RBM15B: variants seen among roughly 807,000 people sequenced by gnomAD.
RBM15B encodes the protein RNA binding motif protein 15B.
In RBM15B, 11 loss-of-function variants were observed where a neutral mutation model predicts 53.3. The ratio of observed to expected loss-of-function variants is 0.21; its 90% CI spans 0.13 to 0.34. The LOEUF is 0.34. Ranked by LOEUF, RBM15B falls within the 10% of genes least tolerant of loss-of-function variation. The probability of loss-of-function intolerance (pLI) is 1.00; values close to 1 mark genes in which losing one functional copy is unlikely to be tolerated. For synonymous variants in RBM15B, 631 were observed against 540.7 expected (o/e 1.17, Z -2.32); for missense variants, 1,136 against 1,250.3 (o/e 0.91, Z 1.38).
In RBM15B at chr3:51,393,179, C is replaced by T. The variant is rs2089068813; in HGVS notation, c.1780C>T (p.Arg594Trp). ...TTTGCCCAAGCCCTGGGAAGAGAGG[C>T]GGAAACGGAGAAGCCTTTCCAGTGA... ...RGLPKPWEER[R>W]KRRSLSSDRG... is the part of the protein sequence containing the mutation. Residue 594 changes from arginine (R) to tryptophan (W), a missense_variant, in exon 1 of 1, where the codon CGG becomes TGG. Around this residue, in one of 7 missense-constraint regions of RBM15B, gnomAD observed 578 missense variants for 581.6 expected, o/e 0.99. Transcript: ENST00000563281. The surrounding 1 kb of genome is among the most constrained non-coding windows in gnomAD (Gnocchi z 5.6). 4 of 1,613,888 alleles carry T rather than the reference C, an allele frequency of 2.5e-6. No individual in the cohort carries two copies. Among genetic ancestry groups the T allele is most frequent in the Middle Eastern group, 1.6e-4 (1 of 6,062 alleles).
In RBM15B at chr3:51,393,114, G is replaced by A. The variant is rs782660173; in HGVS notation, c.1715G>A (p.Ser572Asn). Residue 572 changes from serine (S) to asparagine (N), a missense_variant, in exon 1 of 1, where the codon AGC becomes AAC. This residue lies in a region of RBM15B where 578 missense variants were observed against 581.6 expected (regional missense o/e 0.99). Transcript: ENST00000563281. The surrounding 1 kb of genome is among the most constrained non-coding windows in gnomAD (Gnocchi z 5.6). ...SLEGYSRSVRSRSGERWGADG... is the reference protein window; with the variant it reads ...SLEGYSRSVRNRSGERWGADG... The stretch of plus-strand genomic sequence containing the variant: ...GAGGGCTACAGTCGCTCAGTGCGCA[G>A]CCGGAGTGGTGAGCGTTGGGGGGCA... 1 of 1,614,080 alleles carries A rather than the reference G, an allele frequency of 6.2e-7. No homozygotes were observed. The highest frequency in any genetic ancestry group is 1.7e-5 in the Admixed American group (1 of 60,024).
At position 51,396,892 on chromosome 3, in the gene RBM15B, AT is replaced by A. The variant is rs1434966358; in HGVS notation, c.*2822del. 1.2e-5 allele frequency: 2 copies of A among 167,014 alleles called. No individual in the cohort carries two copies. The highest frequency in any genetic ancestry group is 2.9e-5 in the Non-Finnish European group (2 of 68,114). 10.3% of individuals were successfully genotyped at this position (167,014 alleles called of 1,614,324 possible). On this transcript the variant is annotated 3_prime_UTR_variant, in exon 1 of 1. Coordinates refer to ENST00000563281, the MANE Select transcript of RBM15B (RefSeq NM_013286.5). ...TGCCATCAGTACCAGCAGTCAGACT[AT>A]TCCACTGGTTAAGTGTTTACTACCA...
rs894804938 is a variant in RBM15B, at chr3:51,395,023, T to C, written c.*951T>C. On this transcript the variant is annotated 3_prime_UTR_variant, in exon 1 of 1. Coordinates refer to ENST00000563281, the MANE Select transcript of RBM15B (RefSeq NM_013286.5). The stretch of plus-strand genomic sequence containing the variant: ...CCTTCCTTGGATTTACTCATGAACT[T>C]TGCCTAGTTGTTTGTGATTTTTGGC... 1 of 167,166 alleles carries C rather than the reference T, an allele frequency of 6.0e-6. No homozygotes were observed. Among genetic ancestry groups the C allele is most frequent in the Non-Finnish European group, 1.5e-5 (1 of 68,210 alleles). 10.4% of individuals were successfully genotyped at this position (167,166 alleles called of 1,614,324 possible). A position where few individuals can be genotyped will look rare whatever the true frequency, so the allele number is the denominator to read the frequency against.
Position 51,393,696 on chromosome 3 carries a change from C to T in RBM15B, c.2297C>T (p.Ala766Val), listed in dbSNP as rs2089080619. 6.2e-7 allele frequency: 1 copy of T among 1,612,998 alleles called. No homozygotes were observed. The highest frequency in any genetic ancestry group is 8.5e-7 in the Non-Finnish European group (1 of 1,179,590). The change falls in exon 1 of 1, where the codon GCC becomes GTC. Residue 766 changes from alanine (A) to valine (V), a missense_variant. This residue lies in a region of RBM15B where 578 missense variants were observed against 581.6 expected (regional missense o/e 0.99). Coordinates refer to ENST00000563281, the MANE Select transcript of RBM15B (RefSeq NM_013286.5). The surrounding 1 kb of genome is among the most constrained non-coding windows in gnomAD (Gnocchi z 5.6). ...AGCAAGCTGACCCAGCTGAAGATCGCCCAGCGCCTTCGACTGGACCAGCCC... is the reference window on the plus strand; with the variant it reads ...AGCAAGCTGACCCAGCTGAAGATCGTCCAGCGCCTTCGACTGGACCAGCCC... ...SGSKLTQLKI[A>V]QRLRLDQPKL...
Position 51,392,244 on chromosome 3 carries a change from C to G in RBM15B, c.845C>G (p.Ala282Gly). The G allele has an allele frequency of 1.3e-6, 2 of 1,582,678 alleles. No homozygotes were observed. The highest frequency in any genetic ancestry group is 1.7e-6 in the Non-Finnish European group (2 of 1,169,094). ...CTGCGGGAGCCCCGTGCCCGTCACG[C>G]CGCCGCAGCCTTCGCCCTGGATGCC... ...PPLREPRARH[A>G]AAAFALDAAA... Residue 282 changes from alanine to glycine, a missense_variant, in exon 1 of 1, where the codon GCC becomes GGC. Coordinates refer to ENST00000563281, the MANE Select transcript of RBM15B (RefSeq NM_013286.5). This position sits in a 1 kb window ranked among gnomAD's most constrained non-coding sequence, Gnocchi z 7.5.
In RBM15B at chr3:51,392,857, C is replaced by T. The variant is rs782392990; in HGVS notation, c.1458C>T (p.Arg486=). ...TGGGTGGACCAGACCGCAGGCTCCG[C>T]GTGGATTTTGCCAAAGCAGAGGAGA... ...FPLGGPDRRL[R]VDFAKAEETR... The change falls in exon 1 of 1, where the codon CGC becomes CGT. Residue 486 remains arginine, a synonymous_variant. Coordinates refer to ENST00000563281, the MANE Select transcript of RBM15B (RefSeq NM_013286.5). The surrounding 1 kb of genome is among the most constrained non-coding windows in gnomAD (Gnocchi z 7.5). The T allele has an allele frequency of 9.9e-6, 16 of 1,613,892 alleles. No homozygotes were observed. In the Admixed American group the frequency reaches 2.2e-4, roughly 22 times the overall value.
rs1355754349 is a variant in RBM15B, at chr3:51,391,918, G to A, written c.519G>A (p.Leu173=). 1 of 1,603,200 alleles carries A rather than the reference G, an allele frequency of 6.2e-7. No individual in the cohort carries two copies. Among genetic ancestry groups the A allele is most frequent in the African/African-American group, 1.3e-5 (1 of 74,634 alleles). ...FKRFGEISLR[L]SHTPELGRVA... ...GCTTCGGCGAGATCAGCCTCCGCCT[G>A]TCGCACACGCCTGAGCTGGGCCGTG... Residue 173 remains leucine, a synonymous_variant, in exon 1 of 1, where the codon CTG becomes CTA. Coordinates refer to ENST00000563281, the MANE Select transcript of RBM15B (RefSeq NM_013286.5). This position sits in a 1 kb window ranked among gnomAD's most constrained non-coding sequence, Gnocchi z 4.5.
chr3:51,394,242 T>G lies in RBM15B; in HGVS notation c.*170T>G, dbSNP rs1214630728. 44 of 1,017,998 alleles carry G rather than the reference T, an allele frequency of 4.3e-5. No homozygotes were observed. The highest frequency in any genetic ancestry group is 8.5e-5 in the Admixed American group (2 of 23,570). 63.1% of individuals were successfully genotyped at this position (1,017,998 alleles called of 1,614,324 possible). A position where few individuals can be genotyped will look rare whatever the true frequency, so the allele number is the denominator to read the frequency against. ...CCACCAAAACTAAGTTCTTAGATTT[T>G]GGGGGATTTTTTTTTTTAAACGATG... On this transcript the variant is annotated 3_prime_UTR_variant, in exon 1 of 1. Coordinates refer to ENST00000563281, the MANE Select transcript of RBM15B (RefSeq NM_013286.5).
At position 51,391,912 on chromosome 3, in the gene RBM15B, C is replaced by T. The variant is rs782595583; in HGVS notation, c.513C>T (p.Leu171=). 1 of 1,603,610 alleles carries T rather than the reference C, an allele frequency of 6.2e-7. No homozygotes were observed. Among genetic ancestry groups the T allele is most frequent in the African/African-American group, 1.3e-5 (1 of 74,814 alleles). ...HQFKRFGEIS[L]RLSHTPELGR... ...TCAAGCGCTTCGGCGAGATCAGCCT[C>T]CGCCTGTCGCACACGCCTGAGCTGG... The change falls in exon 1 of 1, where the codon CTC becomes CTT. Residue 171 remains leucine, a synonymous_variant. Transcript: ENST00000563281. The surrounding 1 kb of genome is among the most constrained non-coding windows in gnomAD (Gnocchi z 4.5).
Position 51,393,925 on chromosome 3 carries a change from G to A in RBM15B, c.2526G>A (p.Gly842=). 1 of 1,538,238 alleles carries A rather than the reference G, an allele frequency of 6.5e-7. No individual in the cohort carries two copies. ...CAGGGGTGATCAGCTTGCCAGTGGG[G>A]GGGTCCAAGGGCAGAGACGGCACAG... The part of the protein sequence containing the change: ...QAAGVISLPV[G]GSKGRDGTGM... Residue 842 remains glycine, a synonymous_variant, in exon 1 of 1, where the codon GGG becomes GGA. Coordinates refer to ENST00000563281, the MANE Select transcript of RBM15B (RefSeq NM_013286.5). The surrounding 1 kb of genome is among the most constrained non-coding windows in gnomAD (Gnocchi z 5.6).
rs2089239750 is a variant in RBM15B, at chr3:51,396,894, T to TTA, written c.*2822_*2823insTA. On this transcript the variant is annotated 3_prime_UTR_variant, in exon 1 of 1. Coordinates refer to ENST00000563281, the MANE Select transcript of RBM15B (RefSeq NM_013286.5). ...CCATCAGTACCAGCAGTCAGACTAT[T>TTA]CCACTGGTTAAGTGTTTACTACCAT... is the stretch of plus-strand genomic sequence containing the variant. 5 of 167,030 alleles carry TTA rather than the reference T, an allele frequency of 3.0e-5. No individual in the cohort carries two copies. The highest frequency in any genetic ancestry group is 7.3e-5 in the Non-Finnish European group (5 of 68,130). 10.3% of individuals were successfully genotyped at this position (167,030 alleles called of 1,614,324 possible).
Position 51,392,890 on chromosome 3 carries a change from C to T in RBM15B, c.1491C>T (p.Tyr497=). 6.2e-7 allele frequency: 1 copy of T among 1,613,892 alleles called. No homozygotes were observed. Among genetic ancestry groups the T allele is most frequent in the Non-Finnish European group, 8.5e-7 (1 of 1,180,026 alleles). ...TTGCCAAAGCAGAGGAGACTCGGTACCCCCAGCAGTACCAGCCCTCGCCAC... is the reference window on the plus strand; with the variant it reads ...TTGCCAAAGCAGAGGAGACTCGGTATCCCCAGCAGTACCAGCCCTCGCCAC... ...VDFAKAEETR[Y]PQQYQPSPLP... The change falls in exon 1 of 1, where the codon TAC becomes TAT. Residue 497 remains tyrosine (Y), a synonymous_variant. Transcript: ENST00000563281. This position sits in a 1 kb window ranked among gnomAD's most constrained non-coding sequence, Gnocchi z 7.5.
Position 51,391,395 on chromosome 3 carries a change from G to C in RBM15B, c.-5G>C. The C allele has an allele frequency of 8.2e-7, 1 of 1,225,596 alleles. No homozygotes were observed. The highest frequency in any genetic ancestry group is 1.0e-6 in the Non-Finnish European group (1 of 983,344). 75.9% of individuals were successfully genotyped at this position (1,225,596 alleles called of 1,614,324 possible). A position where few individuals can be genotyped will look rare whatever the true frequency, so the allele number is the denominator to read the frequency against. ...TACGGGCCGCCCGCCCGCCGCGCCAGCGCCATGAAGCGGCAGAGCGAGCGA... is the reference window on the plus strand; with the variant it reads ...TACGGGCCGCCCGCCCGCCGCGCCACCGCCATGAAGCGGCAGAGCGAGCGA... On this transcript the variant is annotated 5_prime_UTR_variant, in exon 1 of 1. Coordinates refer to ENST00000563281, the MANE Select transcript of RBM15B (RefSeq NM_013286.5). This position sits in a 1 kb window ranked among gnomAD's most constrained non-coding sequence, Gnocchi z 4.5.
chr3:51,393,759 G>T lies in RBM15B; in HGVS notation c.2360G>T (p.Ser787Ile). 4.3e-6 allele frequency: 7 copies of T among 1,613,868 alleles called. No homozygotes were observed. The highest frequency in any genetic ancestry group is 5.9e-6 in the Non-Finnish European group (7 of 1,180,026). Residue 787 changes from serine (S) to isoleucine (I), a missense_variant, in exon 1 of 1, where the codon AGC becomes ATC. Ser to Ile is a moderately radical substitution (Grantham distance 142). Coordinates refer to ENST00000563281, the MANE Select transcript of RBM15B (RefSeq NM_013286.5). The surrounding 1 kb of genome is among the most constrained non-coding windows in gnomAD (Gnocchi z 5.6). ...DEVTRRIKQG[S>I]PNGYAVLLAT... Reference sequence around the variant, plus strand: ...GTCACACGACGCATCAAGCAGGGGAGCCCCAACGGCTATGCGGTCCTCTTA... The same window carrying T: ...GTCACACGACGCATCAAGCAGGGGATCCCCAACGGCTATGCGGTCCTCTTA...
At position 51,395,344 on chromosome 3, in the gene RBM15B, G is replaced by A. The variant is rs2106649268; in HGVS notation, c.*1272G>A. On this transcript the variant is annotated 3_prime_UTR_variant, in exon 1 of 1. Transcript: ENST00000563281. Reference sequence around the variant, plus strand: ...TGTTTGTTAGGCAGTGCTAGAGCTTGAAGCCACTCAAGCCAGTTGGGGAGG... The same window carrying A: ...TGTTTGTTAGGCAGTGCTAGAGCTTAAAGCCACTCAAGCCAGTTGGGGAGG... 5.9e-6 allele frequency: 1 copy of A among 168,462 alleles called. No individual in the cohort carries two copies. The highest frequency in any genetic ancestry group is 1.4e-5 in the Non-Finnish European group (1 of 69,070). The allele number at this position is 168,462 out of a possible 1,614,324, so 10.4% of individuals were successfully genotyped here.
chr3:51,392,840 C>T lies in RBM15B; in HGVS notation c.1441C>T (p.Pro481Ser), dbSNP rs782208684. ...AATGAGGGGTTTTCCCTTGGGTGGA[C>T]CAGACCGCAGGCTCCGCGTGGATTT... The part of the protein sequence containing the change: ...AKMRGFPLGG[P>S]DRRLRVDFAK... Residue 481 changes from proline to serine, a missense_variant, in exon 1 of 1, where the codon CCA (proline) becomes TCA (serine). Around this residue, in one of 7 missense-constraint regions of RBM15B, gnomAD observed 578 missense variants for 581.6 expected, o/e 0.99. Transcript: ENST00000563281. This position sits in a 1 kb window ranked among gnomAD's most constrained non-coding sequence, Gnocchi z 7.5. 2 of 1,613,938 alleles carry T rather than the reference C, an allele frequency of 1.2e-6. No individual in the cohort carries two copies. The highest frequency in any genetic ancestry group is 1.3e-5 in the African/African-American group (1 of 74,936).
rs1553622038 is a variant in RBM15B at position 51,393,678 on chromosome 3, T to A, written c.2279T>A (p.Leu760Gln). The change falls in exon 1 of 1, where the codon CTG (leucine) becomes CAG (glutamine). Residue 760 changes from leucine to glutamine, a missense_variant. This residue lies in a region of RBM15B where 578 missense variants were observed against 581.6 expected (regional missense o/e 0.99). Coordinates refer to ENST00000563281, the MANE Select transcript of RBM15B (RefSeq NM_013286.5). The surrounding 1 kb of genome is among the most constrained non-coding windows in gnomAD (Gnocchi z 5.6). ...LLKDHTSGSK[L>Q]TQLKIAQRLR... ...AAAGACCACACTTCTGGGAGCAAGCTGACCCAGCTGAAGATCGCCCAGCGC... is the reference window on the plus strand; with the variant it reads ...AAAGACCACACTTCTGGGAGCAAGCAGACCCAGCTGAAGATCGCCCAGCGC... 1.9e-6 allele frequency: 3 copies of A among 1,612,732 alleles called. No individual in the cohort carries two copies. Among genetic ancestry groups the A allele is most frequent in the Middle Eastern group, 1.6e-4 (1 of 6,070 alleles).
Position 51,391,477 on chromosome 3 carries a change from C to T in RBM15B, c.78C>T (p.Arg26=). The change falls in exon 1 of 1, where the codon CGC becomes CGT. Residue 26 remains arginine, a synonymous_variant. Coordinates refer to ENST00000563281, the MANE Select transcript of RBM15B (RefSeq NM_013286.5). This position sits in a 1 kb window ranked among gnomAD's most constrained non-coding sequence, Gnocchi z 4.5. ...SSSSAKRPRE[R]EREAEAGGRR... ...CGTCCGCCAAGCGTCCGCGGGAGCG[C>T]GAACGGGAGGCGGAGGCGGGCGGGC... 2.4e-6 allele frequency: 3 copies of T among 1,244,754 alleles called. No homozygotes were observed. The highest frequency in any genetic ancestry group is 3.0e-6 in the Non-Finnish European group (3 of 992,692). The allele number at this position is 1,244,754 out of a possible 1,614,324, so 77.1% of individuals were successfully genotyped here.
At position 51,392,342 on chromosome 3, in the gene RBM15B, C is replaced by T. The variant is rs2089053151; in HGVS notation, c.943C>T (p.Arg315Cys). 6.2e-7 allele frequency: 1 copy of T among 1,613,528 alleles called. No individual in the cohort carries two copies. Among genetic ancestry groups the T allele is most frequent in the Non-Finnish European group, 8.5e-7 (1 of 1,179,960 alleles). ...DYYGLYDDRG[R>C]PYGYPAVCEE... is the part of the protein sequence containing the mutation. ...CTACGGGCTGTACGACGACCGTGGG[C>T]GCCCCTATGGCTACCCAGCTGTGTG... Residue 315 changes from arginine to cysteine, a missense_variant, in exon 1 of 1, where the codon CGC becomes TGC. Arg to Cys is a radical substitution (Grantham distance 180). Transcript: ENST00000563281. This position sits in a 1 kb window ranked among gnomAD's most constrained non-coding sequence, Gnocchi z 7.5.
Sources: allele counts gnomAD v4.1 joint callset, GRCh38; gene constraint gnomAD v4.1.1; regional missense constraint gnomAD v4.1.1; non-coding constraint Gnocchi (gnomAD v3.1); transcripts MANE v1.5; gene names NCBI Gene and HGNC (gene_info 2026-07-23, HGNC 2026-07-21).